Variants in HINT3 observed in about 807,000 individuals in gnomAD.
HINT3 encodes adenosine 5'-monophosphoramidase HINT3.
In HINT3, 16 loss-of-function variants were observed where a neutral mutation model predicts 19.1. The observed-to-expected ratio is 0.84, with a 90% CI of 0.57 to 1.27. HINT3 has a LOEUF of 1.27. Among genes scored for constraint, HINT3 ranks in the 50% most tolerant of loss-of-function variants. HINT3 has a pLI of 0.00. For missense variants in HINT3, 197 were observed against 225.8 expected (o/e 0.87, Z 0.82); for synonymous variants, 75 against 84.8 (o/e 0.88, Z 0.63).
rs1337495601 is a variant in HINT3 at position 125,956,782 on chromosome 6, C to T, written c.-196C>T. On this transcript the variant is annotated 5_prime_UTR_variant, in exon 1 of 5. Transcript: ENST00000229633. Reference sequence around the variant, plus strand: ...GCCATTGCGCGCCCTCTAGTGGCAGCCGGTTTTGAGGCCGGCCTCCGGCTT... The same window carrying T: ...GCCATTGCGCGCCCTCTAGTGGCAGTCGGTTTTGAGGCCGGCCTCCGGCTT... The T allele has an allele frequency of 4.7e-6, 3 of 634,108 alleles. No homozygotes were observed. The highest frequency in any genetic ancestry group is 8.1e-6 in the Non-Finnish European group (3 of 370,170). 39.3% of individuals were successfully genotyped at this position (634,108 alleles called of 1,614,324 possible). A position where few individuals can be genotyped will look rare whatever the true frequency, so the allele number is the denominator to read the frequency against.
At chr6:125,968,794 T>G (rs1789055264) in intron 2 of HINT3, among the ~76,000 whole-genome samples, 1 of 152,212 alleles carries the variant, frequency 6.6e-6, no homozygotes, top group African/African-American at 2.4e-5. Flanking sequence ...CATATTTTTT[T>G]GTCCTCTTGT....
rs1789128485 is a variant in HINT3 at position 125,972,901 on chromosome 6, TC to T, written c.389+574del. On this transcript the variant is annotated intron_variant, in intron 3 of 4. Transcript: ENST00000229633. ...TCACCACACCCAGCAAATCTACTTT[TC>T]TTTGTTCAATATGGGCATTCCTATA... is the stretch of plus-strand genomic sequence containing the variant. Among the ~76,000 whole-genome samples, 3 of 152,086 alleles carry T rather than the reference TC, an allele frequency of 2.0e-5. No individual in the cohort carries two copies. In the South Asian group the frequency reaches 6.2e-4, roughly 32 times the overall value.
chr6:125,966,468 A>G (rs1789018918), intron 1 of HINT3, among the ~76,000 whole-genome samples: 1 of 152,222 alleles, frequency 6.6e-6, no homozygotes, highest in Admixed American at 6.5e-5. Context: ...ATAATTGAGG[A>G]AAATGCTACG....
At chr6:125,960,358 C>T (rs1025060928) in intron 1 of HINT3, among the ~76,000 whole-genome samples, 1 of 152,124 alleles carries the variant, frequency 6.6e-6, no homozygotes, top group African/African-American at 2.4e-5. Flanking sequence ...TGTAGTGAGA[C>T]ACAGTTAAGA....
Position 125,964,031 on chromosome 6 carries a change from A to G in HINT3, c.202-2856A>G, listed in dbSNP as rs773352710. ...ATTTATTCAGCAGTTTGGCAGGCGT[A>G]CTTTGTTATTCACTTGGAGTTCAAA... On this transcript the variant is annotated intron_variant, in intron 1 of 4. Coordinates refer to ENST00000229633, the MANE Select transcript of HINT3 (RefSeq NM_138571.5). Among the ~76,000 whole-genome samples, 84 of 152,298 alleles carry G rather than the reference A, an allele frequency of 5.5e-4. 1 individual carries two copies. Among genetic ancestry groups the G allele is most frequent in the Admixed American group, 1.8e-3 (28 of 15,302 alleles).
At chr6:125,957,305 G>T in intron 1 of HINT3, 127 bp downstream of exon 1, 1 of 1,042,504 alleles carries the variant, frequency 9.6e-7, no homozygotes, top group South Asian at 1.6e-5. Flanking sequence ...GCAGAGGCAG[G>T]GCCGCTCTGT....
At chr6:125,958,406 G>A (rs1179489055) in intron 1 of HINT3, among the ~76,000 whole-genome samples, 2 of 152,286 alleles carry the variant, frequency 1.3e-5, no homozygotes, top group East Asian at 3.9e-4. Context: ...TGGTGGGTTG[G>A]GAGGAAGATG....
chr6:125,963,071 G>A (rs1463234361), intron 1 of HINT3, among the ~76,000 whole-genome samples: 1 of 152,162 alleles, frequency 6.6e-6, no homozygotes, highest in African/African-American at 2.4e-5. Flanking sequence ...GTTGGAAGAT[G>A]GTTAGCATCC....
chr6:125,957,983 C>A (rs904206059), intron 1 of HINT3, among the ~76,000 whole-genome samples: 3 of 151,976 alleles, frequency 2.0e-5, no homozygotes, highest in African/African-American at 7.3e-5. Context: ...GTCTGTGTCC[C>A]GATTTTACAA....
chr6:125,972,394 C>T, intron 3 of HINT3, 66 bp downstream of exon 3: 1 of 1,002,640 alleles, frequency 1.0e-6, no homozygotes, highest in African/African-American at 1.7e-5. Context: ...TGTCATTTCT[C>T]CATGGAAAAT....
In HINT3 at chr6:125,978,196, G is replaced by A. The variant is rs546251811; in HGVS notation, c.*520G>A. On this transcript the variant is annotated 3_prime_UTR_variant, in exon 5 of 5. Coordinates refer to ENST00000229633, the MANE Select transcript of HINT3 (RefSeq NM_138571.5). The stretch of plus-strand genomic sequence containing the variant: ...TTTGCTGAGGGAAGGAATTATATAT[G>A]TGCCACTTTTTCCTCAAATTTCAGA... 3 of 152,038 alleles carry A rather than the reference G, an allele frequency of 2.0e-5. No individual in the cohort carries two copies. Among genetic ancestry groups the A allele is most frequent in the Non-Finnish European group, 4.4e-5 (3 of 67,958 alleles). 9.4% of individuals were successfully genotyped at this position (152,038 alleles called of 1,614,324 possible). A position where few individuals can be genotyped will look rare whatever the true frequency, so the allele number is the denominator to read the frequency against.
At chr6:125,975,025 T>G in intron 4 of HINT3, 52 bp downstream of exon 4, 1 of 1,577,844 alleles carries the variant, frequency 6.3e-7, no homozygotes, top group Non-Finnish European at 8.7e-7. Flanking sequence ...AAATATCCTT[T>G]TCATTGTAGT....
intron 2 of HINT3, among the ~76,000 whole-genome samples, chr6:125,971,483 T>C (rs1189971095): frequency 6.6e-6 from 1 of 152,182 alleles, no homozygotes. Flanking sequence ...TTTCAGTTGT[T>C]GATAAGCAAA....
chr6:125,977,276 G>T (rs1276047890), intron 4 of HINT3, among the ~76,000 whole-genome samples: 1 of 151,966 alleles, frequency 6.6e-6, no homozygotes, highest in Non-Finnish European at 1.5e-5. Context: ...CCATAGTTTG[G>T]CTTTTTGCAG....
intron 1 of HINT3, among the ~76,000 whole-genome samples, chr6:125,960,396 C>T (rs6931781): frequency 0.14 from 21,773 of 152,138 alleles, 5,066 homozygotes; most frequent in African/African-American, 0.49. Flanking sequence ...CAGTGGCAAA[C>T]GCCTGTAATC....
At position 125,965,026 on chromosome 6, in the gene HINT3, A is replaced by T. The variant is rs116876200; in HGVS notation, c.202-1861A>T. On this transcript the variant is annotated intron_variant, in intron 1 of 4. Transcript: ENST00000229633. ...GGTGATAAGAGTCATGTTGATTGGT[A>T]GTTTTTATTAGGATTGGGATTGTGT... Among the ~76,000 whole-genome samples, 111 of 152,302 alleles carry T rather than the reference A, an allele frequency of 7.3e-4. No individual in the cohort carries two copies. In the East Asian group the frequency reaches 0.02, roughly 27 times the overall value.
chr6:125,967,071 A>G, intron 2 of HINT3, 67 bp downstream of exon 2: 1 of 1,005,342 alleles, frequency 9.9e-7, no homozygotes, highest in Non-Finnish European at 1.5e-6. Context: ...GGCAGTGAAG[A>G]TTAAAAAGAA....
intron 1 of HINT3, among the ~76,000 whole-genome samples, chr6:125,962,756 A>G (rs1019445237): frequency 6.6e-6 from 1 of 152,102 alleles, no homozygotes; most frequent in Admixed American, 6.5e-5. Flanking sequence ...AAACTAAGCA[A>G]AGGCTGAACC....
At position 125,962,318 on chromosome 6, in the gene HINT3, T is replaced by C. The variant is rs9401856; in HGVS notation, c.202-4569T>C. Among the ~76,000 whole-genome samples the C allele has an allele frequency of 3.5e-3, 102 of 29,202 alleles. 6 individuals carry two copies. The highest frequency in any genetic ancestry group is 0.019 in the South Asian group (7 of 368). 19.2% of individuals were successfully genotyped at this position (29,202 alleles called of 152,430 possible). The stretch of plus-strand genomic sequence containing the variant: ...TATATATATATATATCACACATATA[T>C]ATATATATATATCACACACACATAA... On this transcript the variant is annotated intron_variant, in intron 1 of 4. Coordinates refer to ENST00000229633, the MANE Select transcript of HINT3 (RefSeq NM_138571.5).
Sources: allele counts gnomAD v4.1 joint callset (sites outside exome capture counted in the v4.1 genomes callset), GRCh38; gene constraint gnomAD v4.1.1; transcripts MANE v1.5; gene names NCBI Gene and HGNC (gene_info 2026-07-23, HGNC 2026-07-21).